Variants in ROBO2 observed in about 807,000 individuals in gnomAD.
ROBO2 encodes roundabout guidance receptor 2.
ROBO2 carries 53 observed loss-of-function variants against 160.8 expected under a neutral mutation model. That is an observed-to-expected ratio of 0.33 (90% CI 0.26 to 0.41). The LOEUF is 0.41. Among genes scored for constraint, ROBO2 ranks in the 10% least tolerant of loss-of-function variants. ROBO2 has a pLI of 1.00. For missense variants in ROBO2, 1,577 were observed against 1,722.4 expected (o/e 0.92, Z 1.49); for synonymous variants, 664 against 611.7 (o/e 1.09, Z -1.26).
At chr3:76,094,564 C>T (rs1187740587) in intron 2 of ROBO2, among the ~76,000 whole-genome samples, 1 of 152,174 alleles carries the variant, frequency 6.6e-6, no homozygotes. Flanking sequence ...TACAAAATGA[C>T]ACCATGATTC....
intron 1 of ROBO2, among the ~76,000 whole-genome samples, chr3:77,070,342 T>C (rs996038425): frequency 9.2e-5 from 14 of 152,154 alleles, no homozygotes. Context: ...GTGGCTTAGA[T>C]GTTCATTGGT....
intron 2 of ROBO2, among the ~76,000 whole-genome samples, chr3:77,139,060 C>A (rs987640211): frequency 3.9e-4 from 59 of 152,080 alleles, no homozygotes; most frequent in African/African-American, 1.3e-3. Flanking sequence ...AGAATAGGAG[C>A]AATCTGGCCA....
At chr3:76,567,638 T>TATC (rs2084633469) in intron 2 of ROBO2, among the ~76,000 whole-genome samples, 1 of 90,058 alleles carries the variant, frequency 1.1e-5, no homozygotes, top group African/African-American at 4.1e-5. Flanking sequence ...TATATATATA[T>TATC]ATATATATAT....
chr3:76,664,424 T>G (rs2091943419), intron 2 of ROBO2, among the ~76,000 whole-genome samples: 1 of 152,226 alleles, frequency 6.6e-6, no homozygotes, highest in Admixed American at 6.5e-5. Flanking sequence ...GAAATATCAT[T>G]TAGAAGGAAG....
chr3:76,980,533 A>G (rs1237247563), intron 2 of ROBO2, among the ~76,000 whole-genome samples: 1 of 152,224 alleles, frequency 6.6e-6, no homozygotes, highest in Non-Finnish European at 1.5e-5. Context: ...GATAACATCA[A>G]TAACAAAATT....
intron 18 of ROBO2, among the ~76,000 whole-genome samples, 156 bp from the exon 20 acceptor site, chr3:77,596,467 T>C (rs919709100): frequency 4.6e-5 from 7 of 152,238 alleles, no homozygotes; most frequent in African/African-American, 1.7e-4. Flanking sequence ...ATAGCCTTAA[T>C]GAATTGCTGG....
intron 2 of ROBO2, among the ~76,000 whole-genome samples, chr3:77,167,862 T>A (rs763151687): frequency 6.6e-6 from 1 of 152,060 alleles, no homozygotes; most frequent in Admixed American, 6.6e-5. Context: ...TTTCTAATTG[T>A]CTTCCAAAAA....
intron 2 of ROBO2, among the ~76,000 whole-genome samples, chr3:77,240,949 A>G (rs1284279007): frequency 1.3e-5 from 2 of 152,252 alleles, no homozygotes; most frequent in Non-Finnish European, 2.9e-5. Context: ...AATTTTATCT[A>G]CAAGTGTATT....
chr3:77,489,813 A>G (rs1383089711), intron 4 of ROBO2, among the ~76,000 whole-genome samples: 1 of 152,202 alleles, frequency 6.6e-6, no homozygotes, highest in Non-Finnish European at 1.5e-5. Flanking sequence ...TAATATTGCA[A>G]TGACTTAACA....
intron 2 of ROBO2, among the ~76,000 whole-genome samples, chr3:76,462,831 C>T (rs1428031853): frequency 1.3e-5 from 2 of 152,180 alleles, no homozygotes; most frequent in Non-Finnish European, 2.9e-5. Context: ...AAATTTTCTT[C>T]TGAAGAAAGC....
intron 2 of ROBO2, among the ~76,000 whole-genome samples, chr3:76,106,993 C>A (rs1448632267): frequency 6.6e-6 from 1 of 151,948 alleles, no homozygotes; most frequent in Non-Finnish European, 1.5e-5. Context: ...TATCTCTGTA[C>A]ATATTCATCA....
chr3:76,603,342 AAAAAAAAAAATATATATATATAT>A (rs1306470299), intron 2 of ROBO2, among the ~76,000 whole-genome samples: 14 of 69,328 alleles, frequency 2.0e-4, no homozygotes, highest in East Asian at 1.4e-3. Flanking sequence ...CAAAAAAAAA[AAAAAAAAAAATATATATATATAT>A]ATATATATAT....
intron 2 of ROBO2, among the ~76,000 whole-genome samples, chr3:76,948,055 A>G (rs980050632): frequency 1.3e-5 from 2 of 151,752 alleles, no homozygotes; most frequent in African/African-American, 4.8e-5. Flanking sequence ...AGGATGGTTA[A>G]CTCTCTCCAT....
At chr3:76,003,648 A>G (rs1168645415) in intron 2 of ROBO2, among the ~76,000 whole-genome samples, 1 of 152,220 alleles carries the variant, frequency 6.6e-6, no homozygotes, top group African/African-American at 2.4e-5. Context: ...TGGATAGAAA[A>G]TATAGTATTC....
At chr3:76,625,257 CT>C (rs1049751815) in intron 2 of ROBO2, among the ~76,000 whole-genome samples, 19 of 10,746 alleles carry the variant, frequency 1.8e-3, no homozygotes, top group Non-Finnish European at 5.1e-3. Flanking sequence ...GAAACCACGG[CT>C]TTTTTTCATT....
intron 2 of ROBO2, among the ~76,000 whole-genome samples, chr3:76,098,083 T>C (rs2069528207): frequency 6.6e-6 from 1 of 152,194 alleles, no homozygotes; most frequent in South Asian, 2.1e-4. Context: ...ACTCTCTCCA[T>C]ACACATGTCT....
intron 2 of ROBO2, among the ~76,000 whole-genome samples, chr3:77,295,387 G>C (rs951766426): frequency 6.7e-6 from 1 of 149,902 alleles, no homozygotes; most frequent in Non-Finnish European, 1.5e-5. Flanking sequence ...GCTGAGGCTA[G>C]AGCACTAAAG....
At chr3:76,323,658 T>A (rs1474172070) in intron 2 of ROBO2, among the ~76,000 whole-genome samples, 1 of 152,230 alleles carries the variant, frequency 6.6e-6, no homozygotes, top group Non-Finnish European at 1.5e-5. Flanking sequence ...AAACTTGGAA[T>A]TGAATGAGCC....
intron 2 of ROBO2, among the ~76,000 whole-genome samples, chr3:76,329,717 T>A (rs62261440): frequency 0.089 from 13,600 of 152,270 alleles, 664 homozygotes; most frequent in Non-Finnish European, 0.11. Flanking sequence ...GTAGACTGTT[T>A]TCTAAAAAAT....
Sources: allele counts gnomAD v4.1 joint callset (sites outside exome capture counted in the v4.1 genomes callset), GRCh38; gene constraint gnomAD v4.1.1; transcripts MANE v1.5; gene names NCBI Gene and HGNC (gene_info 2026-07-23, HGNC 2026-07-21).